The following HELB variants were observed in gnomAD, a reference collection of about 807,000 sequenced individuals.
The protein encoded by HELB is DNA helicase B, also known as DNA 5'-3' helicase B.
A neutral mutation model predicts 101.7 loss-of-function variants in HELB; 96 were observed. The observed-to-expected ratio is 0.94, with a 90% confidence interval of 0.80 to 1.12. The LOEUF (loss-of-function observed/expected upper bound fraction) is 1.12. Ranked by LOEUF, HELB falls within the 50% of genes most tolerant of loss-of-function variation. The pLI is 0.00. For synonymous variants in HELB, 437 were observed against 459.7 expected (o/e 0.95, Z 0.63); for missense variants, 1,210 against 1,291.9 (o/e 0.94, Z 0.97).
chr12:66,311,662 A>G (rs1354022904), intron 4 of HELB, among the ~76,000 whole-genome samples: 1 of 152,212 alleles, frequency 6.6e-6, no homozygotes, highest in Non-Finnish European at 1.5e-5. Flanking sequence ...CTCATCTGGA[A>G]TAAGTCTTTA....
rs952568110 is a variant in HELB at position 66,309,892 on chromosome 12, T to C, written c.964T>C (p.Leu322=). The C allele has an allele frequency of 1.4e-5, 22 of 1,614,030 alleles. No individual in the cohort carries two copies. The highest frequency in any genetic ancestry group is 1.7e-5 in the Non-Finnish European group (20 of 1,179,986). ...YVEVNDLTLT[L]SNHMSFHAAS... is the part of the protein sequence containing the mutation. Reference sequence around the variant, plus strand: ...TGAAGTGAATGACTTAACTTTGACATTGTCAAATCATATGTCATTTCATGC... The same window carrying C: ...TGAAGTGAATGACTTAACTTTGACACTGTCAAATCATATGTCATTTCATGC... The change falls in exon 4 of 13, where the codon TTG becomes CTG. Residue 322 remains leucine (L), a synonymous_variant. Transcript: ENST00000247815.
At position 66,331,184 on chromosome 12, in the gene HELB, G is replaced by C; in HGVS notation, c.2701G>C (p.Val901Leu). The C allele has an allele frequency of 1.2e-6, 2 of 1,611,440 alleles. No homozygotes were observed. The highest frequency in any genetic ancestry group is 1.7e-6 in the Non-Finnish European group (2 of 1,177,960). Residue 901 changes from valine (V) to leucine (L), a missense_variant, in exon 12 of 13, where the codon GTG (valine) becomes CTG (leucine). This residue lies in a region of HELB where 740 missense variants were observed against 728.8 expected (regional missense o/e 1.02). Coordinates refer to ENST00000247815, the MANE Select transcript of HELB (RefSeq NM_001370285.1). ...GSEEQTVVYV[V>L]GKAGRQHWQH... The stretch of plus-strand genomic sequence containing the variant: ...CGAGGAGCAAACAGTTGTCTATGTG[G>C]TGGGGAAGGCGGGCCGCCAGCACTG...
intron 4 of HELB, among the ~76,000 whole-genome samples, chr12:66,311,606 T>C (rs2053546164): frequency 6.6e-6 from 1 of 152,220 alleles, no homozygotes; most frequent in African/African-American, 2.4e-5. Context: ...ACATTGGAAA[T>C]GGAAGTAAAA....
rs1340499727 is a variant in HELB at position 66,314,089 on chromosome 12, T to C, written c.1784T>C (p.Val595Ala). ...CTGGTTGTGGATGAAGGGAGTTTGG[T>C]ATCTGTAGGAATCTTCAAATCGGTC... Reference protein sequence around the residue: ...RVLVVDEGSLVSVGIFKSVLN... With the variant: ...RVLVVDEGSLASVGIFKSVLN... The change falls in exon 5 of 13, where the codon GTA (valine) becomes GCA (alanine). Residue 595 changes from valine (V) to alanine (A), a missense_variant. This residue lies in a region of HELB where 740 missense variants were observed against 728.8 expected (regional missense o/e 1.02). Coordinates refer to ENST00000247815, the MANE Select transcript of HELB (RefSeq NM_001370285.1). 6.2e-7 allele frequency: 1 copy of C among 1,613,784 alleles called. No individual in the cohort carries two copies. Among genetic ancestry groups the C allele is most frequent in the Non-Finnish European group, 8.5e-7 (1 of 1,179,798 alleles).
intron 6 of HELB, among the ~76,000 whole-genome samples, 167 bp downstream of exon 6, chr12:66,315,550 A>T (rs1182841352): frequency 6.6e-6 from 1 of 152,168 alleles, no homozygotes; most frequent in African/African-American, 2.4e-5. Context: ...AAGCAAAGTT[A>T]ATGTTTTTCA....
In HELB at chr12:66,308,296, T is replaced by A. The variant is rs570194243; in HGVS notation, c.778-1410T>A. Among the ~76,000 whole-genome samples, 8 of 152,190 alleles carry A rather than the reference T, an allele frequency of 5.3e-5. No individual in the cohort carries two copies. In the South Asian group the frequency reaches 6.2e-4, roughly 12 times the overall value. ...AAGGCAGAGATTATCTGGTGGTGAC[T>A]CAGGTTTTTCATTAGGGAACAGTCC... is the stretch of plus-strand genomic sequence containing the variant. On this transcript the variant is annotated intron_variant, in intron 3 of 12. Transcript: ENST00000247815.
intron 5 of HELB, 88 bp downstream of exon 5, chr12:66,314,251 AC>A: frequency 8.7e-7 from 1 of 1,153,424 alleles, no homozygotes; most frequent in Non-Finnish European, 1.3e-6. Flanking sequence ...GGTTGTTTAC[AC>A]CAGAATTGAT....
At chr12:66,318,579 A>T in intron 6 of HELB, 59 bp from the exon 7 acceptor site, 1 of 1,474,848 alleles carries the variant, frequency 6.8e-7, no homozygotes, top group Non-Finnish European at 9.1e-7. Context: ...CTCTGATCAT[A>T]TATGAAGACA....
chr12:66,333,589 G>A (rs1314254414), intron 12 of HELB, among the ~76,000 whole-genome samples: 3 of 152,112 alleles, frequency 2.0e-5, no homozygotes, highest in African/African-American at 7.2e-5. Flanking sequence ...GAGAGGCTGA[G>A]GGAGGAGTCG....
intron 4 of HELB, among the ~76,000 whole-genome samples, chr12:66,311,915 G>T (rs1335379438): frequency 6.6e-6 from 1 of 152,162 alleles, no homozygotes; most frequent in African/African-American, 2.4e-5. Flanking sequence ...GGAACATGGA[G>T]ACTCAGGTGA....
rs538186512 is a variant in HELB at position 66,314,276 on chromosome 12, G to A, written c.1858+113G>A. ...ACCAGAATTGATACCAAAGCTACAC[G>A]AAGATACCAAAGCTACATGAAATTA... On this transcript the variant is annotated intron_variant, in intron 5 of 12. Coordinates refer to ENST00000247815, the MANE Select transcript of HELB (RefSeq NM_001370285.1). 5.6e-5 allele frequency: 52 copies of A among 926,190 alleles called. No individual in the cohort carries two copies. In the East Asian group the frequency reaches 7.4e-4, roughly 13 times the overall value. The allele number at this position is 926,190 out of a possible 1,614,324, so 57.4% of individuals were successfully genotyped here. A position where few individuals can be genotyped will look rare whatever the true frequency, so the allele number is the denominator to read the frequency against.
In HELB at chr12:66,310,512, G is replaced by A. The variant is rs750821718; in HGVS notation, c.1584G>A (p.Ala528=). Reference sequence around the variant, plus strand: ...TTACTGAGCAAAGTCAACTAGAGGCGGACAAGGCTATAGAAGTTTTGCTCA... The same window carrying A: ...TTACTGAGCAAAGTCAACTAGAGGCAGACAAGGCTATAGAAGTTTTGCTCA... ...ITFTEQSQLE[A]DKAIEVLLTA... The change falls in exon 4 of 13, where the codon GCG becomes GCA. Residue 528 remains alanine (A), a synonymous_variant. Coordinates refer to ENST00000247815, the MANE Select transcript of HELB (RefSeq NM_001370285.1). 8.7e-6 allele frequency: 14 copies of A among 1,614,078 alleles called. No individual in the cohort carries two copies. Among genetic ancestry groups the A allele is most frequent in the African/African-American group, 2.7e-5 (2 of 74,936 alleles).
At chr12:66,317,855 C>G (rs1235985868) in intron 6 of HELB, among the ~76,000 whole-genome samples, 3 of 152,332 alleles carry the variant, frequency 2.0e-5, no homozygotes, top group Admixed American at 2.0e-4. Flanking sequence ...TTCCTTTCCA[C>G]TTTTGTTTGG....
intron 5 of HELB, 151 bp downstream of exon 5, chr12:66,314,314 C>T: frequency 1.4e-6 from 1 of 727,892 alleles, no homozygotes; most frequent in South Asian, 1.9e-5. Flanking sequence ...TCTGACCACT[C>T]TCCTAATCAG....
intron 11 of HELB, among the ~76,000 whole-genome samples, chr12:66,328,356 G>A (rs1440541183): frequency 6.6e-6 from 1 of 152,148 alleles, no homozygotes; most frequent in Non-Finnish European, 1.5e-5. Flanking sequence ...GAGCCCAGGA[G>A]TTCAAGACCA....
Position 66,310,200 on chromosome 12 carries a change from T to C in HELB, c.1272T>C (p.Asn424=), listed in dbSNP as rs376528686. ...TGGATGTTGTGGACACACAGGACAA[T>C]GGTGACCATATTTGGACTAATGGTG... is the stretch of plus-strand genomic sequence containing the variant. ...NPVDVVDTQD[N]GDHIWTNGEN... The change falls in exon 4 of 13, where the codon AAT becomes AAC. Residue 424 remains asparagine, a synonymous_variant. Transcript: ENST00000247815. 6 of 1,614,008 alleles carry C rather than the reference T, an allele frequency of 3.7e-6. No individual in the cohort carries two copies. In the African/African-American group the frequency reaches 6.7e-5, roughly 18 times the overall value.
Sources: gnomAD v4.1 joint callset for allele counts (sites outside exome capture counted in the v4.1 genomes callset) on GRCh38, gnomAD v4.1.1 for gene constraint, gnomAD v4.1.1 regional missense constraint, MANE v1.5 for transcripts, NCBI Gene and HGNC (gene_info 2026-07-23, HGNC 2026-07-21) for gene names.